FSTL5: variants seen among roughly 807,000 people sequenced by gnomAD.
FSTL5 encodes the protein follistatin-related protein 5.
A neutral mutation model predicts 89.1 loss-of-function variants in FSTL5; 62 were observed. That is an observed-to-expected ratio of 0.70 (90% CI 0.57 to 0.86). The LOEUF is 0.86. FSTL5 is among the 40% of genes least tolerant of loss of function. FSTL5 has a pLI of 0.00. For synonymous variants in FSTL5, 383 were observed against 346.2 expected (o/e 1.11, Z -1.18); for missense variants, 1,057 against 1,001.6 (o/e 1.06, Z -0.75).
intron 1 of FSTL5, among the ~76,000 whole-genome samples, chr4:162,148,195 T>C (rs559368861): frequency 2.0e-5 from 3 of 152,272 alleles, no homozygotes; most frequent in Non-Finnish European, 4.4e-5. Flanking sequence ...TTGAAGCTAT[T>C]TGAACCTTCC....
chr4:162,044,822 A>G (rs75545936), intron 2 of FSTL5, among the ~76,000 whole-genome samples: 14,347 of 152,192 alleles, frequency 0.094, 773 homozygotes, highest in Non-Finnish European at 0.12. Context: ...GTGAACCAAC[A>G]TCTGACAGCT....
intron 4 of FSTL5, among the ~76,000 whole-genome samples, chr4:161,884,085 G>A (rs1732723239): frequency 6.7e-6 from 1 of 150,096 alleles, no homozygotes; most frequent in South Asian, 2.1e-4. Flanking sequence ...GAGTCTTGCT[G>A]TGTTGCCCAG....
intron 4 of FSTL5, among the ~76,000 whole-genome samples, chr4:161,808,300 C>A (rs1187071365): frequency 6.6e-6 from 1 of 151,960 alleles, no homozygotes; most frequent in Non-Finnish European, 1.5e-5. Context: ...ACCATAAGAT[C>A]CAGCAACTCC....
intron 6 of FSTL5, among the ~76,000 whole-genome samples, chr4:161,712,942 G>A (rs533050885): frequency 6.6e-6 from 1 of 152,248 alleles, no homozygotes; most frequent in East Asian, 1.9e-4. Flanking sequence ...ACTAGCAGAT[G>A]CTGGTGTCAC....
At chr4:162,022,330 A>G (rs146212323) in intron 3 of FSTL5, among the ~76,000 whole-genome samples, 4 of 151,868 alleles carry the variant, frequency 2.6e-5, no homozygotes, top group African/African-American at 4.8e-5. Context: ...ATGTCATACA[A>G]TCTATAATAT....
chr4:161,796,326 GAAGGAATCCC>G (rs1185475488), intron 4 of FSTL5, among the ~76,000 whole-genome samples: 2 of 151,630 alleles, frequency 1.3e-5, no homozygotes, highest in African/African-American at 2.4e-5. Context: ...TTGAAGAATG[GAAGGAATCCC>G]AAGACTTCTT....
chr4:161,470,970 T>C (rs1733916193), intron 13 of FSTL5, among the ~76,000 whole-genome samples: 2 of 152,234 alleles, frequency 1.3e-5, no homozygotes, highest in African/African-American at 4.8e-5. Context: ...TCATTAGTTC[T>C]AATAGTGTTT....
chr4:161,842,725 CAT>C (rs1376377105), intron 4 of FSTL5, among the ~76,000 whole-genome samples: 1 of 152,014 alleles, frequency 6.6e-6, no homozygotes, highest in Non-Finnish European at 1.5e-5. Context: ...AATATTATAT[CAT>C]ATTTCTGTAA....
chr4:161,439,631 T>G (rs1732691556), intron 15 of FSTL5, among the ~76,000 whole-genome samples: 1 of 152,176 alleles, frequency 6.6e-6, no homozygotes, highest in Non-Finnish European at 1.5e-5. Flanking sequence ...ATTAAAAGTA[T>G]CTGACCATTG....
chr4:162,055,519 AGAGGAT>A (rs1411734895), intron 2 of FSTL5, among the ~76,000 whole-genome samples: 2 of 116,878 alleles, frequency 1.7e-5, no homozygotes, highest in Non-Finnish European at 3.5e-5. Context: ...GATGATAGAT[AGAGGAT>A]GATAGATAGA....
chr4:161,899,641 A>T (rs1292269587), intron 4 of FSTL5, among the ~76,000 whole-genome samples: 1 of 152,174 alleles, frequency 6.6e-6, no homozygotes, highest in Non-Finnish European at 1.5e-5. Context: ...AAATATAGTG[A>T]TGAAAAATCA....
intron 7 of FSTL5, among the ~76,000 whole-genome samples, chr4:161,601,963 A>T (rs560390194): frequency 6.6e-6 from 1 of 152,116 alleles, no homozygotes; most frequent in Non-Finnish European, 1.5e-5. Flanking sequence ...TAGGCTGTTA[A>T]GAGACAAAAC....
At position 162,089,149 on chromosome 4, in the gene FSTL5, G is replaced by A. The variant is rs187295002; in HGVS notation, c.126+22122C>T. 1.6e-3 allele frequency among the ~76,000 whole-genome samples: 236 copies of A among 152,198 alleles called. 2 individuals carry two copies. Among genetic ancestry groups the A allele is most frequent in the African/African-American group, 5.2e-3 (216 of 41,542 alleles). ...CATGCTCTCTTGCCTTCCATGGGAT[G>A]ATGCAGCAAGAAGGCACTTGCTAGT... On this transcript the variant is annotated intron_variant, in intron 2 of 15. Coordinates refer to ENST00000306100, the MANE Select transcript of FSTL5 (RefSeq NM_020116.5).
intron 3 of FSTL5, among the ~76,000 whole-genome samples, chr4:161,973,498 C>A (rs1404432102): frequency 6.6e-6 from 1 of 152,146 alleles, no homozygotes; most frequent in Non-Finnish European, 1.5e-5. Context: ...AGCACTAATT[C>A]TTTGCTAGCA....
chr4:161,911,027 G>A (rs1733676070), intron 4 of FSTL5, among the ~76,000 whole-genome samples: 1 of 151,910 alleles, frequency 6.6e-6, no homozygotes, highest in Non-Finnish European at 1.5e-5. Flanking sequence ...TTTTGCCTGT[G>A]AACTTCAAAT....
At chr4:161,392,360 G>A (rs1034187422) in intron 15 of FSTL5, among the ~76,000 whole-genome samples, 2 of 151,974 alleles carry the variant, frequency 1.3e-5, no homozygotes, top group Admixed American at 6.6e-5. Flanking sequence ...CTGAGTAGCT[G>A]GGACTACAGG....
intron 3 of FSTL5, among the ~76,000 whole-genome samples, chr4:161,926,286 C>T (rs953118595): frequency 1.3e-5 from 2 of 151,858 alleles, no homozygotes; most frequent in Non-Finnish European, 2.9e-5. Context: ...TCCTTTTCAA[C>T]GGTCACATAA....
At chr4:161,897,672 T>A (rs78882399) in intron 4 of FSTL5, among the ~76,000 whole-genome samples, 1,682 of 151,992 alleles carry the variant, frequency 0.011, 28 homozygotes, top group African/African-American at 0.039. Context: ...ATTATTAACA[T>A]CTTGAATTAA....
intron 6 of FSTL5, among the ~76,000 whole-genome samples, chr4:161,730,522 A>G (rs1739572945): frequency 6.6e-6 from 1 of 152,090 alleles, no homozygotes; most frequent in African/African-American, 2.4e-5. Flanking sequence ...AATTTATTGA[A>G]CACATCAAGA....
Sources: gnomAD v4.1 joint callset for allele counts (sites outside exome capture counted in the v4.1 genomes callset) on GRCh38, gnomAD v4.1.1 for gene constraint, MANE v1.5 for transcripts, NCBI Gene and HGNC (gene_info 2026-07-23, HGNC 2026-07-21) for gene names.